KMT2C: variants seen among roughly 807,000 people sequenced by gnomAD.
KMT2C encodes histone-lysine N-methyltransferase 2C.
In KMT2C, 88 loss-of-function variants were observed where a neutral mutation model predicts 507.9. The observed-to-expected ratio is 0.17, with a 90% CI of 0.15 to 0.21. The LOEUF is 0.21. KMT2C is among the 10% of genes least tolerant of loss of function. The pLI is 1.00. For synonymous variants in KMT2C, 2,049 were observed against 2,080.8 expected, an observed-to-expected ratio of 0.98 and a Z score of 0.42; for missense variants, 4,954 against 5,957.8, an observed-to-expected ratio of 0.83 and a Z score of 5.55.
intron 1 of KMT2C, among the ~76,000 whole-genome samples, chr7:152,413,221 C>T (rs551215288): frequency 7.2e-4 from 110 of 152,254 alleles, no homozygotes; most frequent in African/African-American, 2.3e-3. Flanking sequence ...TTCACGTCAT[C>T]TTCCCACCTC....
chr7:152,423,439 C>T (rs1045299183), intron 1 of KMT2C, among the ~76,000 whole-genome samples: 5 of 152,210 alleles, frequency 3.3e-5, no homozygotes, highest in African/African-American at 1.2e-4. Flanking sequence ...AGAAAACATA[C>T]AATATTTCTT....
chr7:152,178,111 T>C, intron 37 of KMT2C, 101 bp from the exon 38 acceptor site: 1 of 1,195,258 alleles, frequency 8.4e-7, no homozygotes, highest in Non-Finnish European at 1.1e-6. Flanking sequence ...AAACTGTACA[T>C]ACAAAATGTT....
At chr7:152,318,626 CAAAAAAAAAA>C (rs67446037) in intron 3 of KMT2C, among the ~76,000 whole-genome samples, 3 of 54,416 alleles carry the variant, frequency 5.5e-5, no homozygotes, top group Admixed American at 2.1e-4. Context: ...GACTCCATCT[CAAAAAAAAAA>C]AAAAAAAAAA....
intron 2 of KMT2C, among the ~76,000 whole-genome samples, chr7:152,339,938 T>TGGTC (rs2096975245): frequency 6.6e-6 from 1 of 152,136 alleles, no homozygotes; most frequent in Admixed American, 6.5e-5. Flanking sequence ...TGACATTCAT[T>TGGTC]ATCGACTAGT....
chr7:152,375,963 T>C (rs1451453214), intron 1 of KMT2C, among the ~76,000 whole-genome samples: 1 of 152,094 alleles, frequency 6.6e-6, no homozygotes, highest in East Asian at 1.9e-4. Context: ...ACAACAGGCA[T>C]GTACCACCAC....
At chr7:152,271,114 T>C (rs2095958546) in intron 7 of KMT2C, among the ~76,000 whole-genome samples, 1 of 152,140 alleles carries the variant, frequency 6.6e-6, no homozygotes, top group Non-Finnish European at 1.5e-5. Context: ...CAAGGCACAA[T>C]GTTATGTGAA....
chr7:152,372,028 G>C (rs1008772098), intron 1 of KMT2C, among the ~76,000 whole-genome samples: 2 of 152,084 alleles, frequency 1.3e-5, no homozygotes, highest in East Asian at 3.9e-4. Context: ...AAGACGGCTA[G>C]AGAGGAAGAC....
chr7:152,421,308 T>C (rs996481577), intron 1 of KMT2C, among the ~76,000 whole-genome samples: 4 of 152,166 alleles, frequency 2.6e-5, no homozygotes, highest in Non-Finnish European at 4.4e-5. Context: ...GAATGTTAAT[T>C]AGTTCAGCCA....
intron 27 of KMT2C, among the ~76,000 whole-genome samples, chr7:152,197,657 C>A (rs191352653): frequency 3.0e-3 from 461 of 152,078 alleles, no homozygotes; most frequent in South Asian, 5.6e-3. Flanking sequence ...ACAATTATAA[C>A]TAATTTTTTA....
At chr7:152,231,524 T>C (rs1309193184) in intron 16 of KMT2C, among the ~76,000 whole-genome samples, 1 of 152,288 alleles carries the variant, frequency 6.6e-6, no homozygotes, top group African/African-American at 2.4e-5. Context: ...CTCATGCCTA[T>C]AATCTTAGCA....
At chr7:152,392,706 T>C (rs2097508673) in intron 1 of KMT2C, among the ~76,000 whole-genome samples, 1 of 152,214 alleles carries the variant, frequency 6.6e-6, no homozygotes, top group Admixed American at 6.5e-5. Context: ...GTGGTCTGGG[T>C]CACACAGCTA....
chr7:152,395,638 G>C (rs973658915), intron 1 of KMT2C, among the ~76,000 whole-genome samples: 9 of 152,172 alleles, frequency 5.9e-5, no homozygotes, highest in African/African-American at 2.2e-4. Context: ...CTCCTGAGTA[G>C]CTGGGATTAC....
intron 14 of KMT2C, among the ~76,000 whole-genome samples, chr7:152,239,365 C>T (rs923390472): frequency 7.9e-5 from 12 of 152,132 alleles, no homozygotes; most frequent in Non-Finnish European, 1.6e-4. Flanking sequence ...GAGCTGGTAA[C>T]ATTAAAATGC....
At chr7:152,201,305 C>G (rs865943842) in intron 26 of KMT2C, among the ~76,000 whole-genome samples, 2,225 of 149,300 alleles carry the variant, frequency 0.015, 50 homozygotes, top group African/African-American at 0.054. Context: ...CACACACACA[C>G]ACACACACAC....
At chr7:152,287,055 T>A (rs961869220) in intron 6 of KMT2C, among the ~76,000 whole-genome samples, 1 of 152,110 alleles carries the variant, frequency 6.6e-6, no homozygotes, top group Non-Finnish European at 1.5e-5. Flanking sequence ...ACGGACAACA[T>A]GATACCACAG....
At position 152,365,125 on chromosome 7, in the gene KMT2C, T is replaced by TA. The variant is rs1297755391; in HGVS notation, c.162-6451dup. ...TGAAACTATGTAAGCCAGAAGACAGTAAAAAACATATTTAAAGTACTAAGG... is the reference window on the plus strand; with the variant it reads ...TGAAACTATGTAAGCCAGAAGACAGTAAAAAAACATATTTAAAGTACTAAGG... On this transcript the variant is annotated intron_variant, in intron 1 of 58. Transcript: ENST00000262189. Among the ~76,000 whole-genome samples, 15 of 152,160 alleles carry TA rather than the reference T, an allele frequency of 9.9e-5. No individual in the cohort carries two copies. The East Asian group carries it at 2.3e-3, about 23-fold the overall frequency.
intron 45 of KMT2C, 41 bp from the exon 46 acceptor site, chr7:152,156,098 A>G: frequency 6.3e-7 from 1 of 1,597,356 alleles, no homozygotes; most frequent in Non-Finnish European, 8.5e-7. Flanking sequence ...ACATTCAGTC[A>G]ATATTGATAA....
chr7:152,171,185 G>T, intron 40 of KMT2C, 79 bp downstream of exon 40: 1 of 885,754 alleles, frequency 1.1e-6, no homozygotes. Flanking sequence ...TCTCTAGCAG[G>T]GGACTTACTC....
chr7:152,318,966 A>G (rs1318175435), intron 3 of KMT2C, among the ~76,000 whole-genome samples: 1 of 152,214 alleles, frequency 6.6e-6, no homozygotes, highest in Non-Finnish European at 1.5e-5. Flanking sequence ...TCCAATCTGA[A>G]AATCCAAAAT....
Sources: gnomAD v4.1 joint callset for allele counts (sites outside exome capture counted in the v4.1 genomes callset) on GRCh38, gnomAD v4.1.1 for gene constraint, MANE v1.5 for transcripts, NCBI Gene and HGNC (gene_info 2026-07-23, HGNC 2026-07-21) for gene names.